DAB1: variants seen among roughly 807,000 people sequenced by gnomAD.
DAB1 encodes DAB adaptor protein 1, also known as disabled homolog 1.
Under a neutral mutation model 64.6 loss-of-function variants are expected in DAB1, and 15 were observed. The ratio of observed to expected loss-of-function variants is 0.23; its 90% CI spans 0.16 to 0.36. DAB1 has a LOEUF of 0.36. Among genes scored for constraint, DAB1 ranks in the 10% least tolerant of loss-of-function variants. The probability of loss-of-function intolerance (pLI) is 1.00; values close to 1 mark genes in which losing one functional copy is unlikely to be tolerated. For missense variants in DAB1, 596 were observed against 706.7 expected, an observed-to-expected ratio of 0.84 and a Z score of 1.78; for synonymous variants, 235 against 251.9, an observed-to-expected ratio of 0.93 and a Z score of 0.64.
At chr1:58,425,996 G>A (rs960485936) in intron 3 of DAB1, among the ~76,000 whole-genome samples, 32 of 152,176 alleles carry the variant, frequency 2.1e-4, no homozygotes, top group Admixed American at 9.8e-4. Context: ...TGAAGGAATG[G>A]AAGAAGGGGA....
chr1:57,500,851 AT>A (rs1304976453), intron 7 of DAB1, among the ~76,000 whole-genome samples: 1 of 152,208 alleles, frequency 6.6e-6, no homozygotes, highest in East Asian at 1.9e-4. Flanking sequence ...GTGAGTGGTC[AT>A]GGAGGTGAAT....
chr1:58,031,929 TG>T (rs1157872106), intron 5 of DAB1, among the ~76,000 whole-genome samples: 1 of 151,358 alleles, frequency 6.6e-6, no homozygotes, highest in East Asian at 1.9e-4. Flanking sequence ...AGGTTGAAAT[TG>T]TAAAAAAAAA....
intron 4 of DAB1, among the ~76,000 whole-genome samples, chr1:58,312,151 C>G (rs1380113349): frequency 6.6e-6 from 1 of 152,140 alleles, no homozygotes; most frequent in Non-Finnish European, 1.5e-5. Context: ...ACCAAGCAAG[C>G]ATAATCCCTG....
chr1:57,589,275 C>A (rs1197841311), intron 7 of DAB1, among the ~76,000 whole-genome samples: 1 of 151,452 alleles, frequency 6.6e-6, no homozygotes, highest in African/African-American at 2.4e-5. Flanking sequence ...AAAAGAGAAA[C>A]CAGAAAAGGA....
At chr1:57,789,366 G>A (rs540233122) in intron 6 of DAB1, among the ~76,000 whole-genome samples, 2 of 152,312 alleles carry the variant, frequency 1.3e-5, no homozygotes, top group African/African-American at 4.8e-5. Flanking sequence ...GCCTGTCTTA[G>A]TCAGCTCAGG....
intron 4 of DAB1, among the ~76,000 whole-genome samples, chr1:58,334,329 A>G (rs1663047669): frequency 1.3e-5 from 2 of 152,176 alleles, no homozygotes; most frequent in Admixed American, 6.6e-5. Flanking sequence ...AATCCAGCCC[A>G]ACTGATCCAC....
chr1:57,996,723 T>C (rs1298336489), intron 5 of DAB1, among the ~76,000 whole-genome samples: 3 of 152,190 alleles, frequency 2.0e-5, no homozygotes, highest in Non-Finnish European at 4.4e-5. Context: ...TGTAACTCAC[T>C]GGGCTGTGGT....
chr1:57,136,043 G>C (rs906761688), intron 4 of DAB1, among the ~76,000 whole-genome samples: 1 of 152,100 alleles, frequency 6.6e-6, no homozygotes, highest in African/African-American at 2.4e-5. Context: ...TTCAACAAAC[G>C]TATCAGCCCT....
At chr1:57,749,946 C>A (rs1051583188) in intron 6 of DAB1, among the ~76,000 whole-genome samples, 2 of 152,028 alleles carry the variant, frequency 1.3e-5, no homozygotes, top group African/African-American at 4.8e-5. Context: ...GGAAACATTG[C>A]AAATCCATCC....
At chr1:58,020,271 T>C (rs945043155) in intron 5 of DAB1, among the ~76,000 whole-genome samples, 23 of 152,198 alleles carry the variant, frequency 1.5e-4, no homozygotes, top group Admixed American at 1.2e-3. Flanking sequence ...CTTCATGTGT[T>C]CAAGGAAGTG....
chr1:58,318,935 C>A (rs866239499), intron 4 of DAB1, among the ~76,000 whole-genome samples: 7 of 152,116 alleles, frequency 4.6e-5, no homozygotes, highest in Admixed American at 1.3e-4. Flanking sequence ...TCTAGAAGGA[C>A]AACTATCCAC....
chr1:57,365,856 G>A (rs1679956086), intron 1 of DAB1, among the ~76,000 whole-genome samples: 1 of 152,152 alleles, frequency 6.6e-6, no homozygotes, highest in Non-Finnish European at 1.5e-5. Flanking sequence ...CTTCTAGTGT[G>A]TCTTGCTAAA....
chr1:58,349,434 T>TTTATTA (rs67406013), intron 3 of DAB1, among the ~76,000 whole-genome samples: 10 of 150,476 alleles, frequency 6.6e-5, no homozygotes, highest in African/African-American at 9.8e-5. Flanking sequence ...CTTGGCTCCT[T>TTTATTA]TTATTATTAT....
chr1:57,743,775 G>C (rs1648123180), intron 6 of DAB1, among the ~76,000 whole-genome samples: 1 of 152,194 alleles, frequency 6.6e-6, no homozygotes, highest in Admixed American at 6.5e-5. Flanking sequence ...GAAATCAGGG[G>C]TCTCACAGCC....
intron 1 of DAB1, chr1:57,306,902 T>G (rs1674228798): frequency 6.6e-6 from 1 of 152,202 alleles, no homozygotes; most frequent in African/African-American, 2.4e-5. Flanking sequence ...TTCTGACATT[T>G]CATCATTAAC....
intron 12 of DAB1, among the ~76,000 whole-genome samples, chr1:57,011,712 T>C (rs1029222938): frequency 2.0e-5 from 3 of 152,240 alleles, no homozygotes; most frequent in African/African-American, 4.8e-5. Flanking sequence ...GGGCACGTTA[T>C]TGAGCGCCTT....
At chr1:57,369,711 G>T (rs1455472231) in intron 1 of DAB1, among the ~76,000 whole-genome samples, 2 of 152,186 alleles carry the variant, frequency 1.3e-5, no homozygotes, top group African/African-American at 4.8e-5. Context: ...TCAAGGCTCT[G>T]CTAGGCACCT....
At chr1:57,072,173 A>G (rs1651542402) in intron 5 of DAB1, 110 bp downstream of exon 5, 2 of 1,240,502 alleles carry the variant, frequency 1.6e-6, no homozygotes, top group Admixed American at 2.0e-5. Context: ...TTCAGTGGAA[A>G]TACATTGCTT....
chr1:57,801,078 C>G (rs1651102578), intron 6 of DAB1, among the ~76,000 whole-genome samples: 1 of 152,164 alleles, frequency 6.6e-6, no homozygotes, highest in South Asian at 2.1e-4. Context: ...TTAATCAAAA[C>G]ACAACATCAA....
Sources: gnomAD v4.1 joint callset for allele counts (sites outside exome capture counted in the v4.1 genomes callset) on GRCh38, gnomAD v4.1.1 for gene constraint, MANE v1.5 for transcripts, NCBI Gene and HGNC (gene_info 2026-07-23, HGNC 2026-07-21) for gene names.